Variants in COMMD1 observed in about 807,000 individuals in gnomAD.
The protein encoded by COMMD1 is copper metabolism domain containing 1, also known as COMM domain-containing protein 1.
Under a neutral mutation model 17.2 loss-of-function variants are expected in COMMD1, and 10 were observed. That is an observed-to-expected ratio of 0.58 (90% CI 0.36 to 0.99). The LOEUF (loss-of-function observed/expected upper bound fraction) is 0.99, where lower values mean the gene tolerates loss of function less well. Ranked by LOEUF, COMMD1 falls within the 50% of genes least tolerant of loss-of-function variation. COMMD1 has a pLI of 0.01. For missense variants in COMMD1, 270 were observed against 231.8 expected (o/e 1.17, Z -1.07); for synonymous variants, 97 against 91.6 (o/e 1.06, Z -0.34).
intron 2 of COMMD1, among the ~76,000 whole-genome samples, chr2:62,053,038 C>G (rs921341631): frequency 6.6e-6 from 1 of 152,164 alleles, no homozygotes; most frequent in Admixed American, 6.5e-5. Flanking sequence ...TGTGATCACA[C>G]CACTGCACTC....
intron 1 of COMMD1, among the ~76,000 whole-genome samples, chr2:61,946,616 C>T (rs1670913758): frequency 1.3e-5 from 2 of 152,122 alleles, no homozygotes; most frequent in South Asian, 4.1e-4. Flanking sequence ...AGTTTTACTA[C>T]ACTATTACTA....
At chr2:62,112,744 C>CA (rs1268288905) in intron 2 of COMMD1, among the ~76,000 whole-genome samples, 1 of 152,166 alleles carries the variant, frequency 6.6e-6, no homozygotes, top group Non-Finnish European at 1.5e-5. Flanking sequence ...CAAGGTCACA[C>CA]AGCTAATAGT....
At position 62,018,237 on chromosome 2, in the gene COMMD1, A is replaced by T. The variant is rs374516281; in HGVS notation, c.462+17255A>T. Among the ~76,000 whole-genome samples the T allele has an allele frequency of 5.3e-5, 8 of 152,276 alleles. No individual in the cohort carries two copies. The East Asian group carries it at 1.5e-3, about 29-fold the overall frequency. ...GTCACTGTTCATTGGAATTAGGGTA[A>T]TTTAGGGAAGGTATAAATTGACAGC... is the stretch of plus-strand genomic sequence containing the variant. On this transcript the variant is annotated intron_variant, in intron 2 of 2. Transcript: ENST00000311832.
intron 2 of COMMD1, among the ~76,000 whole-genome samples, chr2:62,121,611 A>G (rs1275647510): frequency 1.4e-5 from 2 of 145,396 alleles, no homozygotes; most frequent in Admixed American, 1.4e-4. Context: ...GTTGGTGTGC[A>G]CCTGTAATCC....
intron 2 of COMMD1, among the ~76,000 whole-genome samples, chr2:62,054,703 G>C (rs1015999280): frequency 2.0e-5 from 3 of 152,136 alleles, no homozygotes; most frequent in Non-Finnish European, 4.4e-5. Context: ...AGACCTGGAA[G>C]GGAAAGGAAG....
At chr2:62,004,986 C>T (rs1669071181) in intron 2 of COMMD1, among the ~76,000 whole-genome samples, 1 of 152,174 alleles carries the variant, frequency 6.6e-6, no homozygotes, top group Middle Eastern at 3.2e-3. Context: ...CCCAGGGCAA[C>T]TAAAGTACTG....
rs1445020384 is a variant in COMMD1 at position 62,063,892 on chromosome 2, TATATA to T, written c.462+62911_462+62915del. Among the ~76,000 whole-genome samples the T allele has an allele frequency of 1.3e-4, 17 of 131,818 alleles. 2 individuals are homozygous for T. The highest frequency in any genetic ancestry group is 4.9e-4 in the African/African-American group (17 of 34,560). The allele number at this position is 131,818 out of a possible 152,430, so 86.5% of individuals were successfully genotyped here. A position where few individuals can be genotyped will look rare whatever the true frequency, so the allele number is the denominator to read the frequency against. On this transcript the variant is annotated intron_variant, in intron 2 of 2. Transcript: ENST00000311832. ...AAATATATATATATATATATATATA[TATATA>T]TTAGCCAGGCATGGTGGCATATGTC...
chr2:62,084,220 C>G (rs1671598654), intron 2 of COMMD1, among the ~76,000 whole-genome samples: 1 of 152,056 alleles, frequency 6.6e-6, no homozygotes, highest in Admixed American at 6.6e-5. Context: ...TCCCCCACGC[C>G]CAGCATAGTC....
chr2:61,990,001 A>G lies in COMMD1; in HGVS notation c.181-10700A>G, dbSNP rs75122680. Among the ~76,000 whole-genome samples, 1,502 of 152,308 alleles carry G rather than the reference A, an allele frequency of 9.9e-3. 121 individuals carry two copies. The East Asian group carries it at 0.16, about 16-fold the overall frequency. On this transcript the variant is annotated intron_variant, in intron 1 of 2. Coordinates refer to ENST00000311832, the MANE Select transcript of COMMD1 (RefSeq NM_152516.4). Reference sequence around the variant, plus strand: ...GATTTGGGAGTTAAGGAAAGACTTCATGGAAAAAGTTAGATCTACATCGAA... The same window carrying G: ...GATTTGGGAGTTAAGGAAAGACTTCGTGGAAAAAGTTAGATCTACATCGAA...
chr2:61,970,971 G>A (rs999356240), intron 1 of COMMD1, among the ~76,000 whole-genome samples: 4 of 152,110 alleles, frequency 2.6e-5, no homozygotes, highest in African/African-American at 7.2e-5. Context: ...ACAGTGGTGC[G>A]ATCACTGCTC....
intron 2 of COMMD1, among the ~76,000 whole-genome samples, 198 bp from the exon 3 acceptor site, chr2:62,135,633 G>A (rs773986971): frequency 9.2e-5 from 14 of 152,214 alleles, no homozygotes; most frequent in Admixed American, 5.2e-4. Flanking sequence ...TTACAGGTGT[G>A]AGCCACTGCG....
chr2:62,054,982 G>A (rs1006097254), intron 2 of COMMD1, among the ~76,000 whole-genome samples: 5 of 152,202 alleles, frequency 3.3e-5, no homozygotes, highest in African/African-American at 1.2e-4. Flanking sequence ...AGGTGGAGCT[G>A]AGATGGTGAT....
At chr2:61,891,896 A>G (rs925407552) in intron 1 of COMMD1, among the ~76,000 whole-genome samples, 8 of 150,930 alleles carry the variant, frequency 5.3e-5, no homozygotes, top group African/African-American at 1.7e-4. Context: ...CAGTGGCACA[A>G]TCTCGGCTCA....
intron 2 of COMMD1, among the ~76,000 whole-genome samples, chr2:62,097,355 G>C (rs1481973077): frequency 6.6e-6 from 1 of 152,150 alleles, no homozygotes; most frequent in African/African-American, 2.4e-5. Flanking sequence ...CAGGGGTTTG[G>C]ATTTACTTAG....
intron 2 of COMMD1, among the ~76,000 whole-genome samples, chr2:62,050,807 A>G (rs992043717): frequency 6.6e-6 from 1 of 152,182 alleles, no homozygotes; most frequent in South Asian, 2.1e-4. Context: ...ATGTTCTGAA[A>G]CTTGACCTAG....
chr2:61,987,646 G>A (rs1311597949), intron 1 of COMMD1, among the ~76,000 whole-genome samples: 1 of 152,156 alleles, frequency 6.6e-6, no homozygotes, highest in Non-Finnish European at 1.5e-5. Flanking sequence ...AGTCAGCATG[G>A]TACTGGGTCT....
In COMMD1 at chr2:62,108,199, G is replaced by A. The variant is rs377254218; in HGVS notation, c.463-27632G>A. Among the ~76,000 whole-genome samples the A allele has an allele frequency of 1.8e-3, 269 of 152,210 alleles. 1 individual carries two copies. Among genetic ancestry groups the A allele is most frequent in the Non-Finnish European group, 3.3e-3 (224 of 68,016 alleles). The stretch of plus-strand genomic sequence containing the variant: ...ATCACAATGCCTAAAAGTATTTTAG[G>A]CAAATACTTTTTAAATACATAACTC... On this transcript the variant is annotated intron_variant, in intron 2 of 2. Coordinates refer to ENST00000311832, the MANE Select transcript of COMMD1 (RefSeq NM_152516.4).
chr2:62,028,667 A>G (rs1327798035), intron 2 of COMMD1, among the ~76,000 whole-genome samples: 1 of 152,212 alleles, frequency 6.6e-6, no homozygotes, highest in Non-Finnish European at 1.5e-5. Flanking sequence ...ATTCTACTAC[A>G]TTGGATGGAT....
At chr2:61,993,187 A>G (rs867681781) in intron 1 of COMMD1, among the ~76,000 whole-genome samples, 2 of 152,194 alleles carry the variant, frequency 1.3e-5, no homozygotes, top group Admixed American at 6.5e-5. Flanking sequence ...GGTATAGAAG[A>G]TAGACTTGAG....
Sources: gnomAD v4.1 joint callset for allele counts (sites outside exome capture counted in the v4.1 genomes callset) on GRCh38, gnomAD v4.1.1 for gene constraint, MANE v1.5 for transcripts, NCBI Gene and HGNC (gene_info 2026-07-23, HGNC 2026-07-21) for gene names.